The following RASGRF2 variants were observed in gnomAD, a reference collection of about 807,000 sequenced individuals.
RASGRF2 encodes Ras protein specific guanine nucleotide releasing factor 2.
A neutral mutation model predicts 151.0 loss-of-function variants in RASGRF2; 76 were observed. That is an observed-to-expected ratio of 0.50 (90% CI 0.42 to 0.61). The LOEUF (loss-of-function observed/expected upper bound fraction) is 0.61. RASGRF2 is among the 20% of genes least tolerant of loss of function. The pLI, the probability that RASGRF2 is intolerant of heterozygous loss-of-function variation, is 0.00. For missense variants in RASGRF2, 1,148 were observed against 1,564.6 expected (o/e 0.73, Z 4.49); for synonymous variants, 504 against 566.5 (o/e 0.89, Z 1.57).
At chr5:81,204,794 G>A (rs572551933) in intron 19 of RASGRF2, among the ~76,000 whole-genome samples, 15 of 152,320 alleles carry the variant, frequency 9.8e-5, no homozygotes, top group Admixed American at 5.2e-4. Context: ...CAACAGGAAG[G>A]CATAAAATGT....
chr5:81,141,310 G>A (rs1000623133), intron 17 of RASGRF2, among the ~76,000 whole-genome samples: 14 of 151,940 alleles, frequency 9.2e-5, no homozygotes, highest in Non-Finnish European at 1.6e-4. Context: ...ATCTCTTCTC[G>A]GGCACTGTGC....
intron 2 of RASGRF2, among the ~76,000 whole-genome samples, chr5:81,064,248 G>T (rs1751529304): frequency 6.6e-6 from 1 of 152,214 alleles, no homozygotes; most frequent in Non-Finnish European, 1.5e-5. Flanking sequence ...CTTGGCCAGA[G>T]GCCTCCTACA....
At position 80,996,503 on chromosome 5, in the gene RASGRF2, TC is replaced by T. The variant is rs1561544723; in HGVS notation, c.288+35479del. ...TTCTTCTTCTTCTTCTTCTTCTTCTTCCTCCTCCTCCTCCTCCCCCTCCTCC... is the reference window on the plus strand; with the variant it reads ...TTCTTCTTCTTCTTCTTCTTCTTCTTCTCCTCCTCCTCCTCCCCCTCCTCC... On this transcript the variant is annotated intron_variant, in intron 1 of 26. Coordinates refer to ENST00000265080, the MANE Select transcript of RASGRF2 (RefSeq NM_006909.3). Among the ~76,000 whole-genome samples the T allele has an allele frequency of 8.9e-3, 353 of 39,552 alleles. 2 individuals are homozygous for T. The highest frequency in any genetic ancestry group is 0.018 in the Middle Eastern group (1 of 56). 25.9% of individuals were successfully genotyped at this position (39,552 alleles called of 152,430 possible). A position where few individuals can be genotyped will look rare whatever the true frequency, so the allele number is the denominator to read the frequency against.
chr5:81,067,260 A>G (rs1751635289), intron 2 of RASGRF2, among the ~76,000 whole-genome samples: 1 of 152,200 alleles, frequency 6.6e-6, no homozygotes, highest in Admixed American at 6.5e-5. Flanking sequence ...TTGGGGAAAG[A>G]TGATATGCAT....
intron 18 of RASGRF2, among the ~76,000 whole-genome samples, chr5:81,186,792 A>G (rs1296237789): frequency 6.6e-6 from 1 of 152,196 alleles, no homozygotes; most frequent in Non-Finnish European, 1.5e-5. Context: ...GTGTCTTTGT[A>G]GCAGAGATCT....
Position 80,960,735 on chromosome 5 carries a change from CA to C in RASGRF2, c.-3del. On this transcript the variant is annotated 5_prime_UTR_variant, in exon 1 of 27. Coordinates refer to ENST00000265080, the MANE Select transcript of RASGRF2 (RefSeq NM_006909.3). This position sits in a 1 kb window ranked among gnomAD's most constrained non-coding sequence, Gnocchi z 5.5. ...GCCACCCGTGAGCCCTCCGCACCCGCACCATGCAGAAGAGCGTGCGCTACAA... is the reference window on the plus strand; with the variant it reads ...GCCACCCGTGAGCCCTCCGCACCCGCCCATGCAGAAGAGCGTGCGCTACAA... 1 of 1,566,644 alleles carries C rather than the reference CA, an allele frequency of 6.4e-7. No individual in the cohort carries two copies. The highest frequency in any genetic ancestry group is 1.2e-5 in the South Asian group (1 of 85,276).
rs376623932 is a variant in RASGRF2, at chr5:81,171,422, A to C, written c.2687-8753A>C. Among the ~76,000 whole-genome samples the C allele has an allele frequency of 1.6e-4, 25 of 152,270 alleles. No homozygotes were observed. The East Asian group carries it at 2.5e-3, about 15-fold the overall frequency. On this transcript the variant is annotated intron_variant, in intron 17 of 26. Transcript: ENST00000265080. ...GACATCTTATCCACAGGAGGTAACTAATGCCCCATCAAGGAATTCAAACTA... is the reference window on the plus strand; with the variant it reads ...GACATCTTATCCACAGGAGGTAACTCATGCCCCATCAAGGAATTCAAACTA...
At chr5:81,148,709 A>G (rs1754061518) in intron 17 of RASGRF2, among the ~76,000 whole-genome samples, 5 of 151,490 alleles carry the variant, frequency 3.3e-5, no homozygotes, top group Admixed American at 3.3e-4. Flanking sequence ...GCATTAGGAG[A>G]TATACCTAAT....
chr5:81,168,509 C>T (rs1754568317), intron 17 of RASGRF2, among the ~76,000 whole-genome samples: 1 of 152,054 alleles, frequency 6.6e-6, no homozygotes, highest in African/African-American at 2.4e-5. Context: ...TGGGGTTTCA[C>T]CATATTGGTC....
chr5:81,073,290 G>A lies in RASGRF2; in HGVS notation c.725G>A (p.Arg242Lys), dbSNP rs1244562260. ...TGTTCTCCTCATGCTGAAAGTATGA[G>A]GAAGAGAAACCAGATTGTGTTCACC... ...YICSPHAESMRKRNQIVFTMV... is the reference protein window; with the variant it reads ...YICSPHAESMKKRNQIVFTMV... The change falls in exon 5 of 27, where the codon AGG becomes AAG. Residue 242 changes from arginine (R) to lysine (K), a missense_variant. Physicochemically the swap from Arg to Lys is conservative, Grantham distance 26 (BLOSUM62 2). Around this residue, in one of 5 missense-constraint regions of RASGRF2, gnomAD observed 176 missense variants for 309.6 expected, o/e 0.57. Transcript: ENST00000265080. 3.1e-6 allele frequency: 5 copies of A among 1,614,106 alleles called. No homozygotes were observed. The highest frequency in any genetic ancestry group is 4.2e-6 in the Non-Finnish European group (5 of 1,179,954).
rs368171788 is a variant in RASGRF2, at chr5:81,085,917, C to A, written c.1271+6C>A. ...AAGCTAGAGGAACTATCCAGGTATG[C>A]CAAGAACTTATAACAAAGGCTTGGG... On this transcript the variant is annotated splice_donor_region_variant and intron_variant, in intron 8 of 26. Transcript: ENST00000265080. The A allele has an allele frequency of 3.1e-6, 5 of 1,613,812 alleles. No individual in the cohort carries two copies. Among genetic ancestry groups the A allele is most frequent in the Non-Finnish European group, 4.2e-6 (5 of 1,179,930 alleles).
chr5:81,134,186 G>A (rs1055020981), intron 17 of RASGRF2, among the ~76,000 whole-genome samples: 1 of 151,828 alleles, frequency 6.6e-6, no homozygotes, highest in Admixed American at 6.6e-5. Context: ...AGATTTGGAT[G>A]TAGATGGATT....
At chr5:81,118,494 T>C (rs566776477) in intron 15 of RASGRF2, among the ~76,000 whole-genome samples, 8 of 152,226 alleles carry the variant, frequency 5.3e-5, no homozygotes, top group Non-Finnish European at 1.2e-4. Context: ...TCCTATCTTG[T>C]CTGAAAGATC....
rs1747504623 is a variant in RASGRF2 at position 80,960,439 on chromosome 5, C to T, written c.-300C>T. On this transcript the variant is annotated 5_prime_UTR_variant, in exon 1 of 27. Coordinates refer to ENST00000265080, the MANE Select transcript of RASGRF2 (RefSeq NM_006909.3). This position sits in a 1 kb window ranked among gnomAD's most constrained non-coding sequence, Gnocchi z 5.5. ...ACTTTGGGCGAAGCGGCGGCCGGCT[C>T]GGGCGCCCTCGCGGGGCCGCGCTCC... Among the ~76,000 whole-genome samples, 1 of 150,322 alleles carries T rather than the reference C, an allele frequency of 6.7e-6. No homozygotes were observed. Among genetic ancestry groups the T allele is most frequent in the Non-Finnish European group, 1.5e-5 (1 of 67,360 alleles).
In RASGRF2 at chr5:80,971,732, AT is replaced by A. The variant is rs991834007; in HGVS notation, c.288+10716del. On this transcript the variant is annotated intron_variant, in intron 1 of 26. Coordinates refer to ENST00000265080, the MANE Select transcript of RASGRF2 (RefSeq NM_006909.3). Reference sequence around the variant, plus strand: ...AGGCATGCACCACCATGCCTGGCTAATTTTTTTTTTGTATTTTTTTAGAGAC... The same window carrying A: ...AGGCATGCACCACCATGCCTGGCTAATTTTTTTTTGTATTTTTTTAGAGAC... 1.8e-4 allele frequency among the ~76,000 whole-genome samples: 27 copies of A among 147,722 alleles called. No individual in the cohort carries two copies. The South Asian group carries it at 3.7e-3, about 20-fold the overall frequency.
intron 19 of RASGRF2, among the ~76,000 whole-genome samples, chr5:81,202,047 A>G (rs561386558): frequency 6.6e-6 from 1 of 152,244 alleles, no homozygotes; most frequent in South Asian, 2.1e-4. Context: ...ACTGCTAGAG[A>G]TTGTGTCCAT....
At chr5:81,040,450 T>G (rs1260070121) in intron 1 of RASGRF2, among the ~76,000 whole-genome samples, 1 of 152,270 alleles carries the variant, frequency 6.6e-6, no homozygotes, top group Admixed American at 6.5e-5. Flanking sequence ...ATTGTTGTAA[T>G]AATTATCAAT....
chr5:81,201,477 T>G, intron 19 of RASGRF2, 35 bp downstream of exon 19: 1 of 1,591,674 alleles, frequency 6.3e-7, no homozygotes, highest in Non-Finnish European at 8.6e-7. Context: ...TGGATGACAT[T>G]GGTTGATTCC....
intron 12 of RASGRF2, among the ~76,000 whole-genome samples, chr5:81,098,397 C>A (rs1752605519): frequency 6.6e-6 from 1 of 152,002 alleles, no homozygotes. Flanking sequence ...GATACTGCAT[C>A]ATTTGGGTGG....
Sources: gnomAD v4.1 joint callset for allele counts (sites outside exome capture counted in the v4.1 genomes callset) on GRCh38, gnomAD v4.1.1 for gene constraint, gnomAD v4.1.1 regional missense constraint, Gnocchi (gnomAD v3.1) non-coding constraint, MANE v1.5 for transcripts, NCBI Gene and HGNC (gene_info 2026-07-23, HGNC 2026-07-21) for gene names.